TSEN2: variants seen among roughly 807,000 people sequenced by gnomAD.
TSEN2 encodes the protein tRNA-splicing endonuclease subunit Sen2.
In TSEN2, 54 loss-of-function variants were observed where a neutral mutation model predicts 59.2. That is an observed-to-expected ratio of 0.91 (90% CI 0.73 to 1.14). The LOEUF (loss-of-function observed/expected upper bound fraction) is 1.14. TSEN2 is among the 50% of genes most tolerant of loss of function. The pLI, the probability that TSEN2 is intolerant of heterozygous loss-of-function variation, is 0.00. For missense variants in TSEN2, 636 were observed against 576.2 expected, an observed-to-expected ratio of 1.10 and a Z score of -1.06; for synonymous variants, 195 against 198.2, an observed-to-expected ratio of 0.98 and a Z score of 0.14.
At position 12,516,612 on chromosome 3, in the gene TSEN2, C is replaced by G. The variant is rs371023835; in HGVS notation, c.911C>G (p.Ala304Gly). ...FEYLQLSLEEAFFLVYALGCL... is the reference protein window; with the variant it reads ...FEYLQLSLEEGFFLVYALGCL... ...ATTTTCTGCTTGCTGTATTTTCAGG[C>G]CTTTTTCTTGGTCTATGCTCTGGGA... Residue 304 changes from alanine to glycine, a missense_variant and splice_region_variant, in exon 7 of 12, where the codon GCC becomes GGC. Coordinates refer to ENST00000284995, the MANE Select transcript of TSEN2 (RefSeq NM_025265.4). 16 of 1,613,568 alleles carry G rather than the reference C, an allele frequency of 9.9e-6. No homozygotes were observed. The highest frequency in any genetic ancestry group is 1.3e-5 in the African/African-American group (1 of 74,774).
intron 8 of TSEN2, among the ~76,000 whole-genome samples, chr3:12,525,855 G>A (rs116536551): frequency 0.013 from 1,987 of 151,912 alleles, 46 homozygotes; most frequent in African/African-American, 0.043. Context: ...GTGAGCCACC[G>A]CGCCCGGTGG....
chr3:12,518,683 T>C (rs78091604), intron 7 of TSEN2, among the ~76,000 whole-genome samples: 6,595 of 150,352 alleles, frequency 0.044, 496 homozygotes, highest in African/African-American at 0.15. Flanking sequence ...TTCAAAGATA[T>C]TGAAATAGTT....
intron 4 of TSEN2, among the ~76,000 whole-genome samples, chr3:12,498,826 C>A (rs1257775421): frequency 6.6e-6 from 1 of 152,174 alleles, no homozygotes. Context: ...TATTTGTTCA[C>A]AACACTTGGA....
chr3:12,523,759 T>C (rs1019101178), intron 8 of TSEN2, among the ~76,000 whole-genome samples: 2 of 151,844 alleles, frequency 1.3e-5, no homozygotes, highest in African/African-American at 4.8e-5. Flanking sequence ...AGGCTTGTTT[T>C]GAACTCCTGA....
intron 1 of TSEN2, 57 bp downstream of exon 1, chr3:12,484,937 TA>T (rs1192413090): frequency 1.4e-4 from 22 of 152,280 alleles, no homozygotes; most frequent in African/African-American, 5.1e-4. Context: ...GTGCGCAGTT[TA>T]TTTTATTTGC....
intron 6 of TSEN2, among the ~76,000 whole-genome samples, chr3:12,508,469 G>A (rs2055073330): frequency 1.3e-5 from 2 of 152,122 alleles, no homozygotes; most frequent in South Asian, 2.1e-4. Flanking sequence ...ATGTACCCGC[G>A]GAGTGTTTCT....
chr3:12,484,316 T>G (rs895292538), upstream of TSEN2: 2 of 152,404 alleles, frequency 1.3e-5, no homozygotes, highest in African/African-American at 4.8e-5. Flanking sequence ...GCACGCAGCC[T>G]CCGCCTCATA....
intron 1 of TSEN2, 54 bp from the exon 2 acceptor site, chr3:12,489,730 T>A: frequency 6.7e-7 from 1 of 1,498,862 alleles, no homozygotes; most frequent in South Asian, 1.2e-5. Context: ...ACATTTTGGA[T>A]CAAGGTAGTT....
At chr3:12,535,959 C>T (rs930791605), downstream of TSEN2, among the ~76,000 whole-genome samples, 7 of 152,210 alleles carry the variant, frequency 4.6e-5, no homozygotes, top group African/African-American at 1.7e-4. Context: ...AGAATAATTA[C>T]CACCTCCTCA....
chr3:12,529,042 A>G (rs2057291995), intron 9 of TSEN2, 118 bp downstream of exon 9: 5 of 973,458 alleles, frequency 5.1e-6, no homozygotes, highest in Admixed American at 3.4e-5. Flanking sequence ...GCCTGATACG[A>G]ATAGATGCTA....
At chr3:12,498,784 C>G (rs12486185) in intron 4 of TSEN2, among the ~76,000 whole-genome samples, 2 of 152,148 alleles carry the variant, frequency 1.3e-5, no homozygotes, top group Admixed American at 1.3e-4. Flanking sequence ...AAGCTACATA[C>G]GTCCCCCAAC....
intron 6 of TSEN2, among the ~76,000 whole-genome samples, chr3:12,505,783 CAA>C (rs34334319): frequency 0.024 from 2,051 of 84,606 alleles, 19 homozygotes; most frequent in South Asian, 0.11. Flanking sequence ...AACTCTGTCT[CAA>C]AAAAAAAAAA....
chr3:12,502,581 G>A (rs1201674652), intron 4 of TSEN2, among the ~76,000 whole-genome samples: 1 of 151,262 alleles, frequency 6.6e-6, no homozygotes, highest in Non-Finnish European at 1.5e-5. Context: ...GATAAAGGAT[G>A]GCCATTTTCT....
chr3:12,495,174 T>A (rs2053627929), intron 3 of TSEN2, among the ~76,000 whole-genome samples: 1 of 151,984 alleles, frequency 6.6e-6, no homozygotes, highest in East Asian at 1.9e-4. Context: ...GAGATTTTTT[T>A]AAACATAGAA....
chr3:12,504,296 T>C (rs1352499193), intron 5 of TSEN2, among the ~76,000 whole-genome samples: 4 of 152,120 alleles, frequency 2.6e-5, no homozygotes, highest in African/African-American at 4.8e-5. Flanking sequence ...ATTAAGAACA[T>C]AGGAGCCAGG....
In TSEN2 at chr3:12,521,942, C is replaced by T. The variant is rs551065618; in HGVS notation, c.1099+2745C>T. On this transcript the variant is annotated intron_variant, in intron 8 of 11. Coordinates refer to ENST00000284995, the MANE Select transcript of TSEN2 (RefSeq NM_025265.4). ...AGGAGAATGGCGTGAACCCAGGAGG[C>T]GGAGCTTGCAGTGAGCCGATTGCGC... is the stretch of plus-strand genomic sequence containing the variant. Among the ~76,000 whole-genome samples, 11 of 151,892 alleles carry T rather than the reference C, an allele frequency of 7.2e-5. No individual in the cohort carries two copies. The East Asian group carries it at 9.7e-4, about 13-fold the overall frequency.
Position 12,503,640 on chromosome 3 carries a change from C to G in TSEN2, c.687C>G (p.Ile229Met), listed in dbSNP as rs746035594. ...GTTGCTGCAAACAAGATGCTCTCAT[C>G]CTCCAGCGTGGCCTTCATCATGAAG... is the stretch of plus-strand genomic sequence containing the variant. ...HVCCCKQDAL[I>M]LQRGLHHEDG... The change falls in exon 5 of 12, where the codon ATC (isoleucine) becomes ATG (methionine). Residue 229 changes from isoleucine to methionine, a missense_variant. Ile to Met is a conservative substitution (Grantham distance 10). Transcript: ENST00000284995. The G allele has an allele frequency of 6.3e-7, 1 of 1,598,930 alleles. No individual in the cohort carries two copies. The highest frequency in any genetic ancestry group is 1.1e-5 in the South Asian group (1 of 88,472).
chr3:12,499,756 A>G (rs1168808278), intron 4 of TSEN2, among the ~76,000 whole-genome samples: 1 of 152,162 alleles, frequency 6.6e-6, no homozygotes, highest in Non-Finnish European at 1.5e-5. Context: ...GTGTCATCTC[A>G]GGTCCTCACA....
At chr3:12,496,023 C>T (rs112333250) in intron 3 of TSEN2, among the ~76,000 whole-genome samples, 1,730 of 152,354 alleles carry the variant, frequency 0.011, 16 homozygotes, top group Non-Finnish European at 0.016. Flanking sequence ...GTTTGAGATT[C>T]TGCACAGGGA....
Sources: allele counts gnomAD v4.1 joint callset (sites outside exome capture counted in the v4.1 genomes callset), GRCh38; gene constraint gnomAD v4.1.1; transcripts MANE v1.5; gene names NCBI Gene and HGNC (gene_info 2026-07-23, HGNC 2026-07-21).